The following ABR variants were observed in gnomAD, a reference collection of about 807,000 sequenced individuals.
ABR encodes the protein ABR activator of RhoGEF and GTPase, also known as active breakpoint cluster region-related protein.
In ABR, 35 loss-of-function variants were observed where a neutral mutation model predicts 107.2. The observed-to-expected ratio is 0.33, with a 90% CI of 0.25 to 0.43. ABR has a LOEUF of 0.43. Among genes scored for constraint, ABR ranks in the 20% least tolerant of loss-of-function variants. The probability of loss-of-function intolerance (pLI) is 1.00; values close to 1 mark genes in which losing one functional copy is unlikely to be tolerated. For missense variants in ABR, 815 were observed against 1,115.2 expected, an observed-to-expected ratio of 0.73 and a Z score of 3.83; for synonymous variants, 498 against 462.0, an observed-to-expected ratio of 1.08 and a Z score of -1.00.
intron 16 of ABR, among the ~76,000 whole-genome samples, chr17:1,047,622 G>A (rs1006335790): frequency 1.3e-5 from 2 of 152,224 alleles, no homozygotes; most frequent in Non-Finnish European, 2.9e-5. Flanking sequence ...GCTGGCAGCA[G>A]GAAGGTTTAT....
At chr17:1,030,656 C>A (rs2072652364) in intron 16 of ABR, among the ~76,000 whole-genome samples, 1 of 152,250 alleles carries the variant, frequency 6.6e-6, no homozygotes, top group South Asian at 2.1e-4. Context: ...AGCCCAAGAT[C>A]ACTTCGTCCT....
In ABR at chr17:1,010,450, C is replaced by G. The variant is rs535326594; in HGVS notation, c.2236+279G>C. 5.1e-4 allele frequency: 237 copies of G among 462,770 alleles called. 1 individual carries two copies. The South Asian group carries it at 5.7e-3, about 11-fold the overall frequency. The allele number at this position is 462,770 out of a possible 1,614,324, so 28.7% of individuals were successfully genotyped here. A position where few individuals can be genotyped will look rare whatever the true frequency, so the allele number is the denominator to read the frequency against. ...CTCAGGGCAGTCTTCCCTGGATGCT[C>G]GAGCTTCCAAGCAAGAGGCCAACGT... is the stretch of plus-strand genomic sequence containing the variant. On this transcript the variant is annotated intron_variant, in intron 20 of 22. Transcript: ENST00000302538. The surrounding 1 kb of genome is among the most constrained non-coding windows in gnomAD (Gnocchi z 4.1).
At position 1,197,478 on chromosome 17, in the gene ABR, C is replaced by T. The variant is rs560171769; in HGVS notation, c.838+31315G>A. ...TTGAGCTCTAGGAGCCTCCTCGGAT[C>T]TTAGCCACAGCTCTGATGAAACCTC... On this transcript the variant is annotated intron_variant, in intron 1 of 22. Transcript: ENST00000574139. Among the ~76,000 whole-genome samples the T allele has an allele frequency of 4.3e-4, 65 of 151,756 alleles. 1 individual carries two copies. The highest frequency in any genetic ancestry group is 1.1e-3 in the Admixed American group (17 of 15,248).
intron 1 of ABR, among the ~76,000 whole-genome samples, chr17:1,147,283 C>T (rs2040593716): frequency 6.6e-6 from 1 of 152,182 alleles, no homozygotes; most frequent in Non-Finnish European, 1.5e-5. Flanking sequence ...CCCCCGTCTA[C>T]CAGGACCACT....
At chr17:1,225,718 A>G (rs1333323019) in intron 1 of ABR, among the ~76,000 whole-genome samples, 2 of 152,140 alleles carry the variant, frequency 1.3e-5, no homozygotes, top group Non-Finnish European at 2.9e-5. Context: ...GTTAATTAAC[A>G]CTTATGGGTG....
intron 1 of ABR, among the ~76,000 whole-genome samples, chr17:1,163,452 G>T (rs2041386784): frequency 6.6e-6 from 1 of 152,078 alleles, no homozygotes; most frequent in Non-Finnish European, 1.5e-5. Context: ...TGGGACCCTG[G>T]CGAAGTGTCA....
At chr17:1,114,402 A>T (rs1053338838) in intron 2 of ABR, among the ~76,000 whole-genome samples, 3 of 149,686 alleles carry the variant, frequency 2.0e-5, no homozygotes, top group Non-Finnish European at 3.0e-5. Flanking sequence ...TCCGGGAGGC[A>T]GTGGTTGCAG....
At chr17:1,079,054 G>A in intron 6 of ABR, 1 of 1,438,312 alleles carries the variant, frequency 7.0e-7, no homozygotes, top group East Asian at 2.5e-5. Flanking sequence ...GAAGGGGAAG[G>A]GGAGGAGGGG....
intron 1 of ABR, among the ~76,000 whole-genome samples, chr17:1,186,050 T>A (rs999847925): frequency 1.3e-5 from 2 of 152,208 alleles, no homozygotes; most frequent in Admixed American, 6.5e-5. Flanking sequence ...TTGGCCAGGC[T>A]GGTCTCGAAC....
At chr17:1,069,220 G>T (rs756926283) in intron 9 of ABR, among the ~76,000 whole-genome samples, 1 of 152,192 alleles carries the variant, frequency 6.6e-6, no homozygotes, top group South Asian at 2.1e-4. Context: ...AACAGGGAAG[G>T]AAGCAGCGCG....
At chr17:1,208,029 C>G (rs1438478537) in intron 1 of ABR, among the ~76,000 whole-genome samples, 1 of 152,134 alleles carries the variant, frequency 6.6e-6, no homozygotes, top group Non-Finnish European at 1.5e-5. Flanking sequence ...CTTCGGCCTC[C>G]CAAAGTGCTG....
intron 2 of ABR, among the ~76,000 whole-genome samples, chr17:1,108,246 G>A (rs1042834162): frequency 3.5e-4 from 53 of 152,268 alleles, no homozygotes; most frequent in African/African-American, 1.2e-3. Flanking sequence ...CAGAGCCGGC[G>A]TGGTTCCGGG....
At chr17:1,144,340 C>T (rs983118152) in intron 1 of ABR, among the ~76,000 whole-genome samples, 1 of 151,492 alleles carries the variant, frequency 6.6e-6, no homozygotes, top group Non-Finnish European at 1.5e-5. Flanking sequence ...GCACAGACTC[C>T]AGCACCCCCA....
intron 3 of ABR, among the ~76,000 whole-genome samples, chr17:1,098,320 G>A (rs748635344): frequency 4.0e-5 from 6 of 151,706 alleles, no homozygotes; most frequent in African/African-American, 1.2e-4. Context: ...CTTGTGATCC[G>A]CCCACCTCAG....
intron 6 of ABR, among the ~76,000 whole-genome samples, chr17:1,074,917 G>A (rs532925390): frequency 6.6e-6 from 1 of 152,302 alleles, no homozygotes; most frequent in East Asian, 1.9e-4. Flanking sequence ...CTGCACTCCA[G>A]CCTGGGTAAC....
At chr17:1,026,931 A>C (rs2072245329) in intron 16 of ABR, among the ~76,000 whole-genome samples, 1 of 147,776 alleles carries the variant, frequency 6.8e-6, no homozygotes, top group African/African-American at 2.5e-5. Flanking sequence ...GGGCGCTTCC[A>C]AAATGCCTGG....
intron 3 of ABR, among the ~76,000 whole-genome samples, chr17:1,096,841 G>A (rs1343118772): frequency 7.1e-6 from 1 of 141,020 alleles, no homozygotes; most frequent in Non-Finnish European, 1.6e-5. Context: ...GGGGAAACCT[G>A]CCCCAGGAGA....
At chr17:1,031,950 G>A (rs564838695) in intron 16 of ABR, 7 of 846,962 alleles carry the variant, frequency 8.3e-6, no homozygotes, top group South Asian at 1.2e-4. Flanking sequence ...CCCGCCCTCC[G>A]CGAGGCTGCA....
chr17:1,109,153 GA>G (rs922463600), intron 2 of ABR: 61 of 1,274,346 alleles, frequency 4.8e-5, no homozygotes, highest in Middle Eastern at 2.8e-4. Flanking sequence ...AGGCGGGCGG[GA>G]GGGGGGGCAG....
Sources: allele counts gnomAD v4.1 joint callset (sites outside exome capture counted in the v4.1 genomes callset), GRCh38; gene constraint gnomAD v4.1.1; non-coding constraint Gnocchi (gnomAD v3.1); transcripts MANE v1.5; gene names NCBI Gene and HGNC (gene_info 2026-07-23, HGNC 2026-07-21).